Variants in ARPP19 observed in about 807,000 individuals in gnomAD.
ARPP19 encodes the protein cAMP-regulated phosphoprotein 19.
A neutral mutation model predicts 12.0 loss-of-function variants in ARPP19; 8 were observed. The observed-to-expected ratio is 0.67, with a 90% CI of 0.39 to 1.21. The LOEUF (loss-of-function observed/expected upper bound fraction) is 1.21, where lower values mean the gene tolerates loss of function less well. ARPP19 is among the 50% of genes most tolerant of loss of function. ARPP19 has a pLI of 0.01. For synonymous variants in ARPP19, 47 were observed against 50.4 expected (o/e 0.93, Z 0.29); for missense variants, 102 against 136.3 (o/e 0.75, Z 1.25).
Position 52,568,945 on chromosome 15 carries a change from C to A in ARPP19, c.-53G>T. The A allele has an allele frequency of 1.6e-6, 2 of 1,273,018 alleles. No homozygotes were observed. The highest frequency in any genetic ancestry group is 2.8e-5 in the East Asian group (1 of 36,242). 78.9% of individuals were successfully genotyped at this position (1,273,018 alleles called of 1,614,324 possible). A position where few individuals can be genotyped will look rare whatever the true frequency, so the allele number is the denominator to read the frequency against. On this transcript the variant is annotated 5_prime_UTR_variant, in exon 1 of 3. Coordinates refer to ENST00000249822, the MANE Select transcript of ARPP19 (RefSeq NM_006628.6). Reference sequence around the variant, plus strand: ...GGAAAAGATGCAATTAGCGGGTGGCCGAGGCCACCCGGCCGCCGCCCGTCC... The same window carrying A: ...GGAAAAGATGCAATTAGCGGGTGGCAGAGGCCACCCGGCCGCCGCCCGTCC...
At chr15:52,556,681 A>G (rs1458133084) in intron 2 of ARPP19, among the ~76,000 whole-genome samples, 2 of 152,174 alleles carry the variant, frequency 1.3e-5, no homozygotes, top group African/African-American at 4.8e-5. Flanking sequence ...GCAGAAGGAT[A>G]AACACCAGCT....
intron 1 of ARPP19, among the ~76,000 whole-genome samples, chr15:52,565,841 C>G (rs576572565): frequency 1.3e-5 from 2 of 152,108 alleles, no homozygotes; most frequent in Non-Finnish European, 2.9e-5. Flanking sequence ...TGTATTTAAT[C>G]TGTTTTAGTT....
chr15:52,557,031 G>A (rs2077987717), intron 2 of ARPP19, 69 bp downstream of exon 2: 17 of 1,518,496 alleles, frequency 1.1e-5, no homozygotes, highest in African/African-American at 1.4e-5. Flanking sequence ...ACAGATATCC[G>A]TTTCACAATC....
chr15:52,547,657 T>C lies in ARPP19; in HGVS notation c.*4277A>G, dbSNP rs2077890330. The C allele has an allele frequency of 6.6e-6, 1 of 152,236 alleles. No homozygotes were observed. Among genetic ancestry groups the C allele is most frequent in the African/African-American group, 2.4e-5 (1 of 41,454 alleles). 9.4% of individuals were successfully genotyped at this position (152,236 alleles called of 1,614,324 possible). A position where few individuals can be genotyped will look rare whatever the true frequency, so the allele number is the denominator to read the frequency against. On this transcript the variant is annotated 3_prime_UTR_variant, in exon 3 of 3. Transcript: ENST00000249822. ...TTAGATTAACAATGACAGAGTGAGATATCTTTGATTACAATTTTATAAGGT... is the reference window on the plus strand; with the variant it reads ...TTAGATTAACAATGACAGAGTGAGACATCTTTGATTACAATTTTATAAGGT...
At chr15:52,559,828 C>T (rs2078015738) in intron 1 of ARPP19, among the ~76,000 whole-genome samples, 1 of 152,300 alleles carries the variant, frequency 6.6e-6, no homozygotes, top group Admixed American at 6.5e-5. Context: ...GAGAGGCCTA[C>T]TCTTGGGTTT....
chr15:52,555,415 T>C (rs1387885969), intron 2 of ARPP19, among the ~76,000 whole-genome samples: 1 of 95,904 alleles, frequency 1.0e-5, no homozygotes. Context: ...ATTTATCTCA[T>C]AACTAAAAAC....
At chr15:52,567,051 A>G (rs1458455563) in intron 1 of ARPP19, among the ~76,000 whole-genome samples, 1 of 152,216 alleles carries the variant, frequency 6.6e-6, no homozygotes, top group African/African-American at 2.4e-5. Context: ...AGGTCATCGA[A>G]CTGATCTTCC....
chr15:52,568,984 GC>G lies in ARPP19; in HGVS notation c.-93del. ...CGCCGCCCGTCCCAGCTCTCCCAGG[GC>G]CCGCCGGGCCGCCTCCGCCCGCGAA... is the stretch of plus-strand genomic sequence containing the variant. On this transcript the variant is annotated 5_prime_UTR_variant, in exon 1 of 3. Coordinates refer to ENST00000249822, the MANE Select transcript of ARPP19 (RefSeq NM_006628.6). The G allele has an allele frequency of 1.1e-6, 1 of 923,914 alleles. No homozygotes were observed. Among genetic ancestry groups the G allele is most frequent in the Non-Finnish European group, 1.6e-6 (1 of 621,194 alleles). 57.2% of individuals were successfully genotyped at this position (923,914 alleles called of 1,614,324 possible). A position where few individuals can be genotyped will look rare whatever the true frequency, so the allele number is the denominator to read the frequency against.
intron 2 of ARPP19, among the ~76,000 whole-genome samples, chr15:52,556,465 G>A (rs2077982799): frequency 6.6e-6 from 1 of 152,042 alleles, no homozygotes; most frequent in Non-Finnish European, 1.5e-5. Context: ...AACATGGCAA[G>A]AATTTGAAAA....
Position 52,568,867 on chromosome 15 carries a change from G to T in ARPP19, c.26C>A (p.Ala9Asp). 6.4e-7 allele frequency: 1 copy of T among 1,574,392 alleles called. No individual in the cohort carries two copies. Among genetic ancestry groups the T allele is most frequent in the African/African-American group, 1.4e-5 (1 of 70,644 alleles). The part of the protein sequence containing the change: MSAEVPEA[A>D]SAEEQKEMED... ...GCTCACCTTCTGCTCCTCCGCGGAG[G>T]CTGCCTCGGGGACTTCCGCAGACAT... Residue 9 changes from alanine (A) to aspartate (D), a missense_variant, in exon 1 of 3, where the codon GCC (alanine) becomes GAC (aspartate). Physicochemically the swap from Ala to Asp is moderately radical, Grantham distance 126 (BLOSUM62 -2). Coordinates refer to ENST00000249822, the MANE Select transcript of ARPP19 (RefSeq NM_006628.6).
chr15:52,557,844 T>C (rs2077995487), intron 1 of ARPP19: 2 of 152,220 alleles, frequency 1.3e-5, no homozygotes, highest in Middle Eastern at 3.4e-3. Flanking sequence ...CCCAAAGTCA[T>C]AGGATTACAG....
rs1487245811 is a variant in ARPP19, at chr15:52,555,912, T to G, written c.168+1188A>C. Reference sequence around the variant, plus strand: ...TTAAAATCCTTTATCCAGGAGCACCTTAAGTGTTTTTCTTGTACACTTAAA... The same window carrying G: ...TTAAAATCCTTTATCCAGGAGCACCGTAAGTGTTTTTCTTGTACACTTAAA... On this transcript the variant is annotated intron_variant, in intron 2 of 2. Transcript: ENST00000249822. 7.2e-5 allele frequency among the ~76,000 whole-genome samples: 11 copies of G among 152,178 alleles called. No homozygotes were observed. The East Asian group carries it at 1.7e-3, about 24-fold the overall frequency.
chr15:52,555,152 T>C (rs571447828), intron 2 of ARPP19, among the ~76,000 whole-genome samples: 1 of 152,218 alleles, frequency 6.6e-6, no homozygotes, highest in South Asian at 2.1e-4. Flanking sequence ...TATCTACTTA[T>C]TTCTTGATTC....
At chr15:52,556,072 T>C (rs1324005306) in intron 2 of ARPP19, among the ~76,000 whole-genome samples, 1 of 152,062 alleles carries the variant, frequency 6.6e-6, no homozygotes, top group African/African-American at 2.4e-5. Flanking sequence ...GTGTCATTAT[T>C]CCATCATCCT....
At chr15:52,559,401 T>C (rs557571327) in intron 1 of ARPP19, among the ~76,000 whole-genome samples, 1 of 152,256 alleles carries the variant, frequency 6.6e-6, no homozygotes, top group East Asian at 1.9e-4. Flanking sequence ...GTGTTTAAAA[T>C]CTCAGCCCGT....
At chr15:52,552,282 C>A (rs1333430331) in intron 2 of ARPP19, among the ~76,000 whole-genome samples, 178 bp from the exon 3 acceptor site, 8 of 151,980 alleles carry the variant, frequency 5.3e-5, no homozygotes, top group African/African-American at 1.7e-4. Context: ...GAGAAGCCCC[C>A]CTTCAGACTG....
intron 1 of ARPP19, among the ~76,000 whole-genome samples, chr15:52,567,861 G>C (rs764517768): frequency 6.2e-4 from 95 of 152,218 alleles, no homozygotes; most frequent in Middle Eastern, 6.8e-3. Flanking sequence ...AAACCCGCAC[G>C]AAGGTCAAGC....
At chr15:52,559,226 T>C (rs1009540619) in intron 1 of ARPP19, among the ~76,000 whole-genome samples, 2 of 152,168 alleles carry the variant, frequency 1.3e-5, no homozygotes, top group Admixed American at 6.5e-5. Context: ...TAGCCAGAAA[T>C]AGAGAATTTA....
In ARPP19 at chr15:52,547,231, A is replaced by C. The variant is rs566926983; in HGVS notation, c.*4703T>G. ...CTTTAATAAGACAAAACTGCAAATT[A>C]AATCAATAGAAATTAGGTAGATCCA... On this transcript the variant is annotated 3_prime_UTR_variant, in exon 3 of 3. Coordinates refer to ENST00000249822, the MANE Select transcript of ARPP19 (RefSeq NM_006628.6). 3.3e-5 allele frequency: 5 copies of C among 152,240 alleles called. No individual in the cohort carries two copies. The highest frequency in any genetic ancestry group is 7.3e-5 in the Non-Finnish European group (5 of 68,046). The allele number at this position is 152,240 out of a possible 1,614,324, so 9.4% of individuals were successfully genotyped here. A position where few individuals can be genotyped will look rare whatever the true frequency, so the allele number is the denominator to read the frequency against.
Sources: gnomAD v4.1 joint callset for allele counts (sites outside exome capture counted in the v4.1 genomes callset) on GRCh38, gnomAD v4.1.1 for gene constraint, MANE v1.5 for transcripts, NCBI Gene and HGNC (gene_info 2026-07-23, HGNC 2026-07-21) for gene names.